The following SYN3 variants were observed in gnomAD, a reference collection of about 807,000 sequenced individuals.
The protein encoded by SYN3 is synapsin III.
In SYN3, 35 loss-of-function variants were observed where a neutral mutation model predicts 65.8. That is an observed-to-expected ratio of 0.53 (90% CI 0.41 to 0.70). The LOEUF (loss-of-function observed/expected upper bound fraction) is 0.70, where lower values mean the gene tolerates loss of function less well. Among genes scored for constraint, SYN3 ranks in the 30% least tolerant of loss-of-function variants. The probability of loss-of-function intolerance (pLI) is 0.00; values close to 1 mark genes in which losing one functional copy is unlikely to be tolerated. For missense variants in SYN3, 680 were observed against 749.0 expected, an observed-to-expected ratio of 0.91 and a Z score of 1.08; for synonymous variants, 270 against 292.9, an observed-to-expected ratio of 0.92 and a Z score of 0.80.
At chr22:32,592,522 G>C (rs1386011184) in intron 7 of SYN3, among the ~76,000 whole-genome samples, 1 of 152,118 alleles carries the variant, frequency 6.6e-6, no homozygotes, top group Non-Finnish European at 1.5e-5. Flanking sequence ...TCCATCTCTT[G>C]TCTTCTAGTC....
chr22:33,046,544 C>T (rs2054068031), intron 1 of SYN3, among the ~76,000 whole-genome samples: 2 of 151,918 alleles, frequency 1.3e-5, no homozygotes. Context: ...ATGATAAAAC[C>T]TCGTCTCTAC....
Position 33,006,415 on chromosome 22 carries a change from G to T in SYN3, c.248C>A (p.Pro83His), listed in dbSNP as rs774846825. 35 of 1,614,026 alleles carry T rather than the reference G, an allele frequency of 2.2e-5. 1 individual carries two copies. The highest frequency in any genetic ancestry group is 5.9e-6 in the Non-Finnish European group (7 of 1,180,018). The change falls in exon 2 of 14, where the codon CCC becomes CAC. Residue 83 changes from proline (P) to histidine (H), a missense_variant. Transcript: ENST00000358763. ...ATSGLMEPPG[P>H]STPIVQRPRI... ...GGGTCTTTGAACAATGGGCGTGGAG[G>T]GACCTGGAGGCTCCATCAGTCCTGA...
intron 6 of SYN3, among the ~76,000 whole-genome samples, chr22:32,774,947 G>A (rs764616141): frequency 2.6e-5 from 4 of 152,182 alleles, no homozygotes; most frequent in East Asian, 1.9e-4. Context: ...GAGGGCCTCC[G>A]TGGAGCTGAG....
At chr22:32,914,657 G>C (rs1345291439) in intron 4 of SYN3, among the ~76,000 whole-genome samples, 3 of 151,550 alleles carry the variant, frequency 2.0e-5, no homozygotes, top group African/African-American at 4.9e-5. Flanking sequence ...TTAGCCATGA[G>C]GGTCTCAATC....
intron 6 of SYN3, among the ~76,000 whole-genome samples, chr22:32,673,110 C>T (rs886652939): frequency 1.3e-5 from 2 of 152,144 alleles, no homozygotes; most frequent in Non-Finnish European, 2.9e-5. Flanking sequence ...CTCTTCCTTT[C>T]GCCTCCTAAG....
chr22:32,534,489 G>C (rs1487774529), intron 9 of SYN3, among the ~76,000 whole-genome samples: 3 of 152,276 alleles, frequency 2.0e-5, no homozygotes, highest in African/African-American at 7.2e-5. Flanking sequence ...AGGGGGCCTG[G>C]CCCTCTAGAC....
At chr22:32,839,895 C>A (rs1157960285) in intron 6 of SYN3, among the ~76,000 whole-genome samples, 2 of 152,032 alleles carry the variant, frequency 1.3e-5, no homozygotes, top group Middle Eastern at 3.2e-3. Context: ...TCATCTACAA[C>A]AGACGTCAGC....
chr22:32,820,779 A>T (rs936302560), intron 6 of SYN3, among the ~76,000 whole-genome samples: 23 of 152,198 alleles, frequency 1.5e-4, no homozygotes, highest in Admixed American at 6.5e-5. Flanking sequence ...TACCTATTTG[A>T]AAGCCAAGTC....
intron 3 of SYN3, among the ~76,000 whole-genome samples, chr22:32,976,351 T>C (rs2052187266): frequency 6.6e-6 from 1 of 152,232 alleles, no homozygotes; most frequent in Non-Finnish European, 1.5e-5. Flanking sequence ...GCATTAGTGT[T>C]CTTTCTGCCT....
chr22:32,975,714 G>A (rs973468294), intron 3 of SYN3, among the ~76,000 whole-genome samples: 9 of 152,180 alleles, frequency 5.9e-5, no homozygotes, highest in African/African-American at 2.2e-4. Flanking sequence ...CTCCCATCTA[G>A]TTTAAAGTCA....
chr22:33,016,562 C>T (rs970359843), intron 1 of SYN3, among the ~76,000 whole-genome samples: 1 of 152,190 alleles, frequency 6.6e-6, no homozygotes, highest in Non-Finnish European at 1.5e-5. Context: ...CGCTCCAACA[C>T]TTGTATCTGA....
chr22:33,020,518 G>C lies in SYN3; in HGVS notation c.-162-13694C>G, dbSNP rs556989782. Reference sequence around the variant, plus strand: ...CGCTATTAAAATGATTCTTCCAATGGTATAAGGTATAAGGCCTGAAAGCAA... The same window carrying C: ...CGCTATTAAAATGATTCTTCCAATGCTATAAGGTATAAGGCCTGAAAGCAA... On this transcript the variant is annotated intron_variant, in intron 1 of 13. Coordinates refer to ENST00000358763, the MANE Select transcript of SYN3 (RefSeq NM_003490.4). 1.4e-4 allele frequency among the ~76,000 whole-genome samples: 22 copies of C among 152,232 alleles called. No individual in the cohort carries two copies. In the South Asian group the frequency reaches 4.6e-3, roughly 32 times the overall value.
intron 6 of SYN3, among the ~76,000 whole-genome samples, chr22:32,814,351 G>GAGAA (rs940671309): frequency 1.7e-3 from 25 of 14,584 alleles, no homozygotes; most frequent in East Asian, 5.2e-3. Context: ...GAAAGAAAGA[G>GAGAA]AGAAAGAAAG....
chr22:32,666,783 T>G (rs2060295199), intron 6 of SYN3, among the ~76,000 whole-genome samples: 1 of 152,254 alleles, frequency 6.6e-6, no homozygotes, highest in East Asian at 1.9e-4. Context: ...ATTGCTTATT[T>G]GTCTGTCTTG....
chr22:32,569,288 T>TATCTATC (rs1435892505), intron 7 of SYN3, among the ~76,000 whole-genome samples: 1 of 151,040 alleles, frequency 6.6e-6, no homozygotes, highest in Non-Finnish European at 1.5e-5. Flanking sequence ...TCTATCTATC[T>TATCTATC]ATCTATCTAT....
intron 7 of SYN3, among the ~76,000 whole-genome samples, chr22:32,562,358 G>T (rs2058598678): frequency 6.6e-6 from 1 of 152,218 alleles, no homozygotes; most frequent in African/African-American, 2.4e-5. Context: ...AGCTCATTAA[G>T]GTTTGCTTTT....
At chr22:32,742,070 G>T (rs955390343) in intron 6 of SYN3, among the ~76,000 whole-genome samples, 1 of 151,940 alleles carries the variant, frequency 6.6e-6, no homozygotes, top group Admixed American at 6.6e-5. Context: ...TCAGGAGATC[G>T]AGACCATCCT....
chr22:32,741,035 T>G (rs2061398258), intron 6 of SYN3, among the ~76,000 whole-genome samples: 1 of 152,134 alleles, frequency 6.6e-6, no homozygotes. Flanking sequence ...CATTTAGGCT[T>G]TGGCTTAATT....
chr22:32,992,287 G>C (rs2052740082), intron 2 of SYN3, among the ~76,000 whole-genome samples: 1 of 152,196 alleles, frequency 6.6e-6, no homozygotes, highest in African/African-American at 2.4e-5. Context: ...TTTCCCAAAT[G>C]GGTAGCCCAG....
Sources: gnomAD v4.1 joint callset for allele counts (sites outside exome capture counted in the v4.1 genomes callset) on GRCh38, gnomAD v4.1.1 for gene constraint, MANE v1.5 for transcripts, NCBI Gene and HGNC (gene_info 2026-07-23, HGNC 2026-07-21) for gene names.